Variants in TUBGCP3 observed in about 807,000 individuals in gnomAD.
TUBGCP3 encodes the protein gamma-tubulin complex component 3.
TUBGCP3 carries 50 observed loss-of-function variants against 123.1 expected under a neutral mutation model. The observed-to-expected ratio is 0.41, with a 90% CI of 0.32 to 0.51. The LOEUF is 0.51. TUBGCP3 is among the 20% of genes least tolerant of loss of function. The pLI, the probability that TUBGCP3 is intolerant of heterozygous loss-of-function variation, is 0.36. For missense variants in TUBGCP3, 882 were observed against 1,127.0 expected, an observed-to-expected ratio of 0.78 and a Z score of 3.11; for synonymous variants, 405 against 413.9, an observed-to-expected ratio of 0.98 and a Z score of 0.26.
intron 17 of TUBGCP3, 101 bp downstream of exon 17, chr13:112,516,339 G>A: frequency 8.0e-7 from 1 of 1,257,474 alleles, no homozygotes; most frequent in South Asian, 2.3e-5. Flanking sequence ...CTGTCACCGT[G>A]AGTCTACCTT....
intron 2 of TUBGCP3, among the ~76,000 whole-genome samples, chr13:112,567,451 G>A (rs1881040991): frequency 6.6e-6 from 1 of 152,192 alleles, no homozygotes; most frequent in South Asian, 2.1e-4. Context: ...GTACCTAATT[G>A]CTGGAGTCTT....
rs1297553107 is a variant in TUBGCP3, at chr13:112,504,088, G to T, written c.2251C>A (p.His751Asn). ...ATGATGGTGTCTAAGAACACCTCGT[G>T]TGCAGCAATGATGTGATCCAAATCC... ...AQDLDHIIAA[H>N]EVFLDTIISR... The change falls in exon 19 of 22, where the codon CAC (histidine) becomes AAC (asparagine). Residue 751 changes from histidine (H) to asparagine (N), a missense_variant. His to Asn is a moderately conservative substitution (Grantham distance 68, BLOSUM62 1). This residue lies in a region of TUBGCP3 where 160 missense variants were observed against 220.3 expected (regional missense o/e 0.73). Transcript: ENST00000261965. 1.5e-5 allele frequency: 25 copies of T among 1,614,134 alleles called. No homozygotes were observed. Among genetic ancestry groups the T allele is most frequent in the Non-Finnish European group, 2.1e-5 (25 of 1,180,022 alleles).
the TUBGCP3 span, among the ~76,000 whole-genome samples, chr13:112,600,204 CATGATGTGG>C: frequency 2.6e-5 from 4 of 152,152 alleles, no homozygotes; most frequent in African/African-American, 4.8e-5. Flanking sequence ...TTCTTCTCTC[CATGATGTGG>C]ATTAGTTTTA....
chr13:112,495,096 GGCTGC>G (rs1325735652), intron 20 of TUBGCP3, among the ~76,000 whole-genome samples: 1 of 152,084 alleles, frequency 6.6e-6, no homozygotes, highest in African/African-American at 2.4e-5. Flanking sequence ...TTTTTGCTTT[GGCTGC>G]CAGTGCTTGC....
At chr13:112,556,521 A>G (rs1880060379) in intron 5 of TUBGCP3, among the ~76,000 whole-genome samples, 1 of 152,080 alleles carries the variant, frequency 6.6e-6, no homozygotes, top group African/African-American at 2.4e-5. Flanking sequence ...ATCAAAATCT[A>G]TTTGGCTTTT....
At chr13:112,583,901 C>G (rs1882434721) in intron 1 of TUBGCP3, 1 of 152,346 alleles carries the variant, frequency 6.6e-6, no homozygotes, top group African/African-American at 2.4e-5. Context: ...TAACTTATCA[C>G]GCATTTTAAT....
At chr13:112,569,071 C>A (rs1022501556) in intron 2 of TUBGCP3, 81 bp downstream of exon 2, 3 of 1,318,664 alleles carry the variant, frequency 2.3e-6, no homozygotes, top group Non-Finnish European at 3.2e-6. Context: ...ACATACACAC[C>A]TACACACATG....
At chr13:112,494,513 A>G (rs1880392855) in intron 20 of TUBGCP3, among the ~76,000 whole-genome samples, 1 of 152,258 alleles carries the variant, frequency 6.6e-6, no homozygotes, top group Non-Finnish European at 1.5e-5. Flanking sequence ...CAGGCCACGG[A>G]GCAACAGTCT....
chr13:112,576,984 T>TA (rs1881873805), intron 1 of TUBGCP3, among the ~76,000 whole-genome samples: 1 of 139,936 alleles, frequency 7.1e-6, no homozygotes, highest in Non-Finnish European at 1.6e-5. Context: ...AAAAAAATTC[T>TA]TAAAAAAAAA....
intron 1 of TUBGCP3, among the ~76,000 whole-genome samples, chr13:112,577,313 G>C (rs1051821355): frequency 6.6e-6 from 1 of 152,164 alleles, no homozygotes; most frequent in Non-Finnish European, 1.5e-5. Context: ...GAATCACCCT[G>C]GTGGCAGGTA....
the TUBGCP3 span, among the ~76,000 whole-genome samples, chr13:112,597,811 G>A: frequency 6.6e-6 from 1 of 152,090 alleles, no homozygotes; most frequent in African/African-American, 2.4e-5. Flanking sequence ...AAATACATAG[G>A]GGACAGAGTG....
In TUBGCP3 at chr13:112,524,970, G is replaced by A. The variant is rs1040410267; in HGVS notation, c.1555+1972C>T. Among the ~76,000 whole-genome samples, 20 of 152,168 alleles carry A rather than the reference G, an allele frequency of 1.3e-4. No individual in the cohort carries two copies. The highest frequency in any genetic ancestry group is 4.1e-4 in the African/African-American group (17 of 41,516). ...TGCTGCCCTTCCGACTTGGCCTCACGAGCTCAGAGTTCTAGTGCCATCACT... is the reference window on the plus strand; with the variant it reads ...TGCTGCCCTTCCGACTTGGCCTCACAAGCTCAGAGTTCTAGTGCCATCACT... On this transcript the variant is annotated intron_variant, in intron 13 of 21. Coordinates refer to ENST00000261965, the MANE Select transcript of TUBGCP3 (RefSeq NM_006322.6). This position sits in a 1 kb window ranked among gnomAD's most constrained non-coding sequence, Gnocchi z 4.4.
At chr13:112,598,252 G>A in the TUBGCP3 span, among the ~76,000 whole-genome samples, 19 of 151,402 alleles carry the variant, frequency 1.3e-4, no homozygotes, top group Admixed American at 5.3e-4. Flanking sequence ...TTAGAAGAAC[G>A]GAAATGAAAA....
chr13:112,496,075 C>A (rs114762920), intron 20 of TUBGCP3, among the ~76,000 whole-genome samples: 1 of 152,122 alleles, frequency 6.6e-6, no homozygotes, highest in East Asian at 1.9e-4. Context: ...GAGACAGTCA[C>A]GTGTATGGGT....
intron 2 of TUBGCP3, among the ~76,000 whole-genome samples, chr13:112,568,491 A>C (rs963752418): frequency 3.3e-5 from 5 of 151,834 alleles, no homozygotes; most frequent in African/African-American, 1.2e-4. Flanking sequence ...GGACTTCTAA[A>C]AGGTGTTATT....
intron 20 of TUBGCP3, among the ~76,000 whole-genome samples, chr13:112,494,248 G>C (rs1352092724): frequency 2.0e-5 from 3 of 152,214 alleles, no homozygotes; most frequent in Non-Finnish European, 4.4e-5. Context: ...ACCTAGGAGA[G>C]AGAATGCTGG....
chr13:112,553,200 ACCCACCGGCCACGTTCCTG>A (rs1879733432), intron 8 of TUBGCP3, among the ~76,000 whole-genome samples: 1 of 139,584 alleles, frequency 7.2e-6, no homozygotes, highest in East Asian at 2.2e-4. Context: ...CCACATTCTT[ACCCACCGGCCACGTTCCTG>A]CCCACCAGCC....
chr13:112,573,436 A>C (rs1264538206), intron 1 of TUBGCP3, among the ~76,000 whole-genome samples: 2 of 152,094 alleles, frequency 1.3e-5, no homozygotes, highest in African/African-American at 2.4e-5. Flanking sequence ...GAGTGGAATA[A>C]ATGTCCAAAG....
At chr13:112,559,245 G>A (rs937497117) in intron 4 of TUBGCP3, 77 bp downstream of exon 4, 35 of 1,181,988 alleles carry the variant, frequency 3.0e-5, no homozygotes, top group Non-Finnish European at 4.0e-5. Context: ...TATTTTCTTA[G>A]CTGCAGAAGC....
Sources: allele counts gnomAD v4.1 joint callset (sites outside exome capture counted in the v4.1 genomes callset), GRCh38; gene constraint gnomAD v4.1.1; regional missense constraint gnomAD v4.1.1; non-coding constraint Gnocchi (gnomAD v3.1); transcripts MANE v1.5; gene names NCBI Gene and HGNC (gene_info 2026-07-23, HGNC 2026-07-21).